Variants in CLVS2 observed in about 807,000 individuals in gnomAD.
CLVS2 encodes the protein clavesin 2, also known as clavesin-2.
Under a neutral mutation model 29.0 loss-of-function variants are expected in CLVS2, and 19 were observed. The observed-to-expected ratio is 0.66, with a 90% confidence interval of 0.46 to 0.96. CLVS2 has a LOEUF of 0.96. Among genes scored for constraint, CLVS2 ranks in the 40% least tolerant of loss-of-function variants. The pLI, the probability that CLVS2 is intolerant of heterozygous loss-of-function variation, is 0.00. For missense variants in CLVS2, 294 were observed against 404.1 expected (o/e 0.73, Z 2.34); for synonymous variants, 161 against 151.3 (o/e 1.06, Z -0.47).
intron 3 of CLVS2, among the ~76,000 whole-genome samples, chr6:123,030,599 C>A (rs1416700661): frequency 6.6e-6 from 1 of 151,792 alleles, no homozygotes; most frequent in Admixed American, 6.6e-5. Context: ...CTGGACTTTG[C>A]AGTCCAGGTA....
rs1401063580 is a variant in CLVS2 at position 123,066,770 on chromosome 6, T to G, written c.*3009T>G. 1 of 151,722 alleles carries G rather than the reference T, an allele frequency of 6.6e-6. No homozygotes were observed. The highest frequency in any genetic ancestry group is 1.5e-5 in the Non-Finnish European group (1 of 67,738). 9.4% of individuals were successfully genotyped at this position (151,722 alleles called of 1,614,324 possible). On this transcript the variant is annotated 3_prime_UTR_variant, in exon 6 of 6. Transcript: ENST00000275162. ...TAAAGCAACGTTACTGGCATATGGA[T>G]TTTATTTGTACTCTCTTCCAAAAAG... is the stretch of plus-strand genomic sequence containing the variant.
rs1772820090 is a variant in CLVS2 at position 123,064,229 on chromosome 6, A to G, written c.*468A>G. On this transcript the variant is annotated 3_prime_UTR_variant, in exon 6 of 6. Transcript: ENST00000275162. Reference sequence around the variant, plus strand: ...AACATACTCTTAACGGGCACACACAACTAAGTGATTCCAGGAAATTTTATG... The same window carrying G: ...AACATACTCTTAACGGGCACACACAGCTAAGTGATTCCAGGAAATTTTATG... 1 of 152,264 alleles carries G rather than the reference A, an allele frequency of 6.6e-6. No homozygotes were observed. Among genetic ancestry groups the G allele is most frequent in the Admixed American group, 6.6e-5 (1 of 15,242 alleles). The allele number at this position is 152,264 out of a possible 1,614,324, so 9.4% of individuals were successfully genotyped here.
chr6:123,055,397 T>G (rs1292688009), intron 4 of CLVS2, among the ~76,000 whole-genome samples: 1 of 152,230 alleles, frequency 6.6e-6, no homozygotes, highest in Non-Finnish European at 1.5e-5. Flanking sequence ...CTGTAATTGA[T>G]GAGTCCCTTA....
At chr6:123,041,373 C>T (rs1220774389) in intron 3 of CLVS2, among the ~76,000 whole-genome samples, 1 of 152,136 alleles carries the variant, frequency 6.6e-6, no homozygotes, top group African/African-American at 2.4e-5. Flanking sequence ...GTTTAAAGAA[C>T]ACAATTTTGT....
chr6:123,009,915 C>A (rs976499117), intron 2 of CLVS2, among the ~76,000 whole-genome samples: 3 of 152,012 alleles, frequency 2.0e-5, no homozygotes, highest in Non-Finnish European at 4.4e-5. Context: ...TTTGGGCTCT[C>A]CCCTGAGTTT....
Position 122,997,677 on chromosome 6 carries a change from C to A in CLVS2, c.-101C>A. 1.8e-6 allele frequency: 2 copies of A among 1,119,074 alleles called. No homozygotes were observed. Among genetic ancestry groups the A allele is most frequent in the Non-Finnish European group, 2.6e-6 (2 of 767,392 alleles). 69.3% of individuals were successfully genotyped at this position (1,119,074 alleles called of 1,614,324 possible). ...CCTGTAGGGGAGAGGAAGCAGGCAG[C>A]AGGAGGTCTGGGGGCTGGAGTCTGG... is the stretch of plus-strand genomic sequence containing the variant. On this transcript the variant is annotated 5_prime_UTR_variant, in exon 2 of 6. Coordinates refer to ENST00000275162, the MANE Select transcript of CLVS2 (RefSeq NM_001010852.4).
chr6:123,040,455 A>G (rs1288227710), intron 3 of CLVS2, among the ~76,000 whole-genome samples: 1 of 152,206 alleles, frequency 6.6e-6, no homozygotes, highest in East Asian at 1.9e-4. Flanking sequence ...AAAAAGAAAA[A>G]AAAAGAGTAA....
intron 4 of CLVS2, among the ~76,000 whole-genome samples, chr6:123,053,747 G>A (rs1471433669): frequency 2.0e-5 from 3 of 152,140 alleles, no homozygotes; most frequent in Non-Finnish European, 4.4e-5. Context: ...CTGTGTGGGG[G>A]GCGTGGAGTC....
intron 2 of CLVS2, among the ~76,000 whole-genome samples, chr6:123,001,491 G>A (rs550144572): frequency 2.0e-5 from 3 of 152,164 alleles, no homozygotes; most frequent in Non-Finnish European, 4.4e-5. Flanking sequence ...CAGATGACCT[G>A]TTACATTTAT....
chr6:123,018,373 A>G (rs983109795), intron 3 of CLVS2, among the ~76,000 whole-genome samples: 4 of 152,088 alleles, frequency 2.6e-5, no homozygotes, highest in African/African-American at 9.7e-5. Flanking sequence ...TTAGAACACT[A>G]GGACTCAATG....
chr6:123,053,396 A>G (rs2075890076), intron 4 of CLVS2, among the ~76,000 whole-genome samples: 1 of 152,130 alleles, frequency 6.6e-6, no homozygotes, highest in South Asian at 2.1e-4. Context: ...AGCAAAAGAG[A>G]CTGCCAAGAA....
At chr6:123,012,619 G>A (rs1774766242) in intron 3 of CLVS2, among the ~76,000 whole-genome samples, 1 of 151,958 alleles carries the variant, frequency 6.6e-6, no homozygotes, top group East Asian at 1.9e-4. Flanking sequence ...AGATGTTTGG[G>A]AGCTTCCTTG....
Position 122,997,700 on chromosome 6 carries a change from TG to T in CLVS2, c.-76del. 6.9e-7 allele frequency: 1 copy of T among 1,444,078 alleles called. No homozygotes were observed. Among genetic ancestry groups the T allele is most frequent in the Non-Finnish European group, 9.5e-7 (1 of 1,051,018 alleles). The allele number at this position is 1,444,078 out of a possible 1,614,324, so 89.5% of individuals were successfully genotyped here. On this transcript the variant is annotated 5_prime_UTR_variant, in exon 2 of 6. Coordinates refer to ENST00000275162, the MANE Select transcript of CLVS2 (RefSeq NM_001010852.4). Reference sequence around the variant, plus strand: ...AGCAGGAGGTCTGGGGGCTGGAGTCTGGTGGTGGCAAGGACCAGGTTTGCTT... The same window carrying T: ...AGCAGGAGGTCTGGGGGCTGGAGTCTGTGGTGGCAAGGACCAGGTTTGCTT...
chr6:123,037,572 C>T (rs1775172534), intron 3 of CLVS2, among the ~76,000 whole-genome samples: 1 of 152,052 alleles, frequency 6.6e-6, no homozygotes. Context: ...ACCTATGACC[C>T]TTATTCCACT....
intron 3 of CLVS2, among the ~76,000 whole-genome samples, chr6:123,037,683 AC>A (rs934414946): frequency 6.6e-6 from 1 of 151,892 alleles, no homozygotes; most frequent in African/African-American, 2.4e-5. Flanking sequence ...AATTGGGGGA[AC>A]CTGGTATGTG....
intron 5 of CLVS2, among the ~76,000 whole-genome samples, chr6:123,060,303 A>G (rs376830317): frequency 2.6e-5 from 4 of 152,210 alleles, no homozygotes; most frequent in African/African-American, 9.6e-5. Context: ...TCACTAGACT[A>G]AGTATTTTAG....
chr6:123,056,865 A>C (rs1772699873), intron 5 of CLVS2, among the ~76,000 whole-genome samples: 1 of 152,202 alleles, frequency 6.6e-6, no homozygotes, highest in South Asian at 2.1e-4. Context: ...AAAGGTCTAA[A>C]CATTACTGGT....
chr6:123,040,997 T>A (rs1009030236), intron 3 of CLVS2, among the ~76,000 whole-genome samples: 45 of 152,216 alleles, frequency 3.0e-4, no homozygotes, highest in African/African-American at 1.0e-3. Context: ...GTGACAGTTG[T>A]GTGCTATCTT....
intron 3 of CLVS2, among the ~76,000 whole-genome samples, chr6:123,036,294 T>A (rs989287096): frequency 6.6e-6 from 1 of 152,132 alleles, no homozygotes; most frequent in Non-Finnish European, 1.5e-5. Flanking sequence ...TCCAATAAAG[T>A]CACAGGGGGT....
Sources: gnomAD v4.1 joint callset for allele counts (sites outside exome capture counted in the v4.1 genomes callset) on GRCh38, gnomAD v4.1.1 for gene constraint, MANE v1.5 for transcripts, NCBI Gene and HGNC (gene_info 2026-07-23, HGNC 2026-07-21) for gene names.